The following RASGRF1 variants were observed in gnomAD, a reference collection of about 807,000 sequenced individuals.
RASGRF1 encodes ras-specific guanine nucleotide-releasing factor 1.
RASGRF1 carries 40 observed loss-of-function variants against 138.7 expected under a neutral mutation model. The observed-to-expected ratio is 0.29, with a 90% CI of 0.22 to 0.38. RASGRF1 has a LOEUF of 0.38. Among genes scored for constraint, RASGRF1 ranks in the 10% least tolerant of loss-of-function variants. The probability of loss-of-function intolerance (pLI) is 1.00; values close to 1 mark genes in which losing one functional copy is unlikely to be tolerated. For missense variants in RASGRF1, 1,108 were observed against 1,650.4 expected, an observed-to-expected ratio of 0.67 and a Z score of 5.69; for synonymous variants, 614 against 663.2, an observed-to-expected ratio of 0.93 and a Z score of 1.14.
rs57956576 is a variant in RASGRF1, at chr15:79,061,413, A to AATATATATATATATAT, written c.384-2948_384-2933dup. Among the ~76,000 whole-genome samples the AATATATATATATATAT allele has an allele frequency of 6.1e-3, 712 of 117,028 alleles. 19 individuals are homozygous for AATATATATATATATAT. Among genetic ancestry groups the AATATATATATATATAT allele is most frequent in the African/African-American group, 0.016 (472 of 28,734 alleles). The allele number at this position is 117,028 out of a possible 152,430, so 76.8% of individuals were successfully genotyped here. Reference sequence around the variant, plus strand: ...TAGAAAATTAGAACACTATCTTTAAAATATATATATATATATATCATTCAT... The same window carrying AATATATATATATATAT: ...TAGAAAATTAGAACACTATCTTTAAAATATATATATATATATATATATATATATATATATCATTCAT... On this transcript the variant is annotated intron_variant, in intron 2 of 26. Coordinates refer to ENST00000558480, the MANE Select transcript of RASGRF1 (RefSeq NM_001145648.3).
chr15:79,048,311 T>C (rs2057382590), intron 4 of RASGRF1, among the ~76,000 whole-genome samples: 1 of 152,140 alleles, frequency 6.6e-6, no homozygotes, highest in East Asian at 1.9e-4. Context: ...GCTGCTGTTA[T>C]GTGCAGGAGG....
chr15:79,035,226 C>T lies in RASGRF1; in HGVS notation c.879-16G>A. On this transcript the variant is annotated splice_polypyrimidine_tract_variant and intron_variant, in intron 5 of 26. Coordinates refer to ENST00000558480, the MANE Select transcript of RASGRF1 (RefSeq NM_001145648.3). The stretch of plus-strand genomic sequence containing the variant: ...GATGGTTTCGCTGAAAGAGAAAGCA[C>T]AGGGTCAGCTCTGCCCCAGGGACTT... 6.2e-7 allele frequency: 1 copy of T among 1,605,016 alleles called. No homozygotes were observed. Among genetic ancestry groups the T allele is most frequent in the South Asian group, 1.1e-5 (1 of 89,964 alleles).
At chr15:79,076,197 G>A (rs2057831203) in intron 1 of RASGRF1, among the ~76,000 whole-genome samples, 1 of 151,652 alleles carries the variant, frequency 6.6e-6, no homozygotes, top group East Asian at 1.9e-4. Flanking sequence ...ACAGCCCATA[G>A]TCTCAATCCA....
At chr15:79,061,157 C>G (rs1189406408) in intron 2 of RASGRF1, among the ~76,000 whole-genome samples, 3 of 151,944 alleles carry the variant, frequency 2.0e-5, no homozygotes, top group Non-Finnish European at 4.4e-5. Flanking sequence ...GACTTCAGTC[C>G]CATGGCTACA....
Position 79,049,538 on chromosome 15 carries a change from G to A in RASGRF1, c.582C>T (p.Val194=), listed in dbSNP as rs750486247. The A allele has an allele frequency of 3.1e-5, 50 of 1,613,938 alleles. No individual in the cohort carries two copies. The highest frequency in any genetic ancestry group is 2.9e-4 in the South Asian group (26 of 91,064). The change falls in exon 4 of 27, where the codon GTC becomes GTT. Residue 194 remains valine, a synonymous_variant. Coordinates refer to ENST00000558480, the MANE Select transcript of RASGRF1 (RefSeq NM_001145648.3). ...TGTCGCTGTCTTCATCGTTGGGGGC[G>A]ACAGTCTGGGTGGACTGGATGCGCT... ...DNERIQSTQT[V]APNDEDSDIK... is the part of the protein sequence containing the mutation.
At chr15:79,016,527 G>A (rs979045299) in intron 12 of RASGRF1, among the ~76,000 whole-genome samples, 4 of 152,306 alleles carry the variant, frequency 2.6e-5, no homozygotes, top group East Asian at 3.9e-4. Flanking sequence ...CATCCACAAC[G>A]GCTGCCAGGA....
At position 78,999,726 on chromosome 15, in the gene RASGRF1, G is replaced by C. The variant is rs780231860; in HGVS notation, c.2746+17C>G. On this transcript the variant is annotated intron_variant, in intron 17 of 26. Coordinates refer to ENST00000558480, the MANE Select transcript of RASGRF1 (RefSeq NM_001145648.3). The stretch of plus-strand genomic sequence containing the variant: ...GACCATGGGGAGGACCCTGTGAGTG[G>C]AGAACACCCCACATACCTGCACTGG... 1.2e-6 allele frequency: 2 copies of C among 1,610,294 alleles called. No individual in the cohort carries two copies. The highest frequency in any genetic ancestry group is 2.7e-5 in the African/African-American group (2 of 74,844).
At chr15:79,033,581 C>CTTTTTTTTTTTTTTTTTT (rs71148586) in intron 6 of RASGRF1, among the ~76,000 whole-genome samples, 5 of 93,980 alleles carry the variant, frequency 5.3e-5, no homozygotes, top group Admixed American at 3.0e-4. Flanking sequence ...TTTTTCTTTT[C>CTTTTTTTTTTTTTTTTTT]TTTTTTTTTT....
At position 79,006,447 on chromosome 15, in the gene RASGRF1, G is replaced by A. The variant is rs1257498913; in HGVS notation, c.1827-13C>T. On this transcript the variant is annotated splice_polypyrimidine_tract_variant and intron_variant, in intron 13 of 26. Transcript: ENST00000558480. This position sits in a 1 kb window ranked among gnomAD's most constrained non-coding sequence, Gnocchi z 4.0. ...GGAGGCGTCGGACCTGAGAGGGGAGGAAGGATGCAGAGGTGATGTGGGTCT... is the reference window on the plus strand; with the variant it reads ...GGAGGCGTCGGACCTGAGAGGGGAGAAAGGATGCAGAGGTGATGTGGGTCT... The A allele has an allele frequency of 4.4e-6, 7 of 1,605,724 alleles. No homozygotes were observed. Among genetic ancestry groups the A allele is most frequent in the Non-Finnish European group, 5.9e-6 (7 of 1,177,556 alleles).
At chr15:78,994,142 G>A (rs554002863) in intron 20 of RASGRF1, among the ~76,000 whole-genome samples, 6 of 152,322 alleles carry the variant, frequency 3.9e-5, no homozygotes, top group South Asian at 4.1e-4. Context: ...GAGTGCAGTC[G>A]GCTTCCTTTC....
At chr15:79,044,255 T>C (rs1768611184) in intron 5 of RASGRF1, among the ~76,000 whole-genome samples, 1 of 152,252 alleles carries the variant, frequency 6.6e-6, no homozygotes, top group South Asian at 2.1e-4. Context: ...CTCTCATCTT[T>C]GGGCCTTTGC....
chr15:79,089,419 G>C (rs1361918839), intron 1 of RASGRF1, among the ~76,000 whole-genome samples: 1 of 152,182 alleles, frequency 6.6e-6, no homozygotes, highest in East Asian at 1.9e-4. Context: ...CTCCCTGTTA[G>C]AGCCAGGCCT....
intron 5 of RASGRF1, among the ~76,000 whole-genome samples, chr15:79,035,672 G>A (rs962117342): frequency 6.6e-6 from 1 of 152,208 alleles, no homozygotes; most frequent in Non-Finnish European, 1.5e-5. Context: ...AGCACAGAGG[G>A]GGGCTGAAAT....
In RASGRF1 at chr15:79,090,346, G is replaced by A; in HGVS notation, c.153C>T (p.Leu51=). 6.2e-7 allele frequency: 1 copy of A among 1,613,972 alleles called. No individual in the cohort carries two copies. Among genetic ancestry groups the A allele is most frequent in the Non-Finnish European group, 8.5e-7 (1 of 1,179,992 alleles). ...AGCTCGAGTCGCTCTCGAAGTAGAA[G>A]AGCAGGTTCTGCAGCAGCGCGAACC... ...TKWFALLQNL[L]FYFESDSSSR... is the part of the protein sequence containing the mutation. Residue 51 remains leucine, a synonymous_variant, in exon 1 of 27, where the codon CTC becomes CTT. Coordinates refer to ENST00000558480, the MANE Select transcript of RASGRF1 (RefSeq NM_001145648.3).
chr15:79,046,668 G>C lies in RASGRF1; in HGVS notation c.878+78C>G. On this transcript the variant is annotated intron_variant, in intron 5 of 26. Transcript: ENST00000558480. The surrounding 1 kb of genome is among the most constrained non-coding windows in gnomAD (Gnocchi z 5.3). ...TCTGCACTCGGTGGGAACCACGTGA[G>C]AGAGTGTGTCAAAGCTTAGCTGCGG... is the stretch of plus-strand genomic sequence containing the variant. The C allele has an allele frequency of 6.3e-7, 1 of 1,581,054 alleles. No homozygotes were observed. The highest frequency in any genetic ancestry group is 8.6e-7 in the Non-Finnish European group (1 of 1,158,030).
intron 19 of RASGRF1, among the ~76,000 whole-genome samples, chr15:78,997,367 G>T (rs1230520467): frequency 6.6e-6 from 1 of 152,220 alleles, no homozygotes; most frequent in Admixed American, 6.5e-5. Context: ...CATGTCGGGG[G>T]TGAAGCTGAG....
Position 79,027,905 on chromosome 15 carries a change from T to C in RASGRF1, c.1263-46A>G. ...ACAGTCAGAGACAGGCTGCCCCTACTTCCCAGGGAGGCGAGAATGCCAGGC... is the reference window on the plus strand; with the variant it reads ...ACAGTCAGAGACAGGCTGCCCCTACCTCCCAGGGAGGCGAGAATGCCAGGC... On this transcript the variant is annotated intron_variant, in intron 8 of 26. Coordinates refer to ENST00000558480, the MANE Select transcript of RASGRF1 (RefSeq NM_001145648.3). The surrounding 1 kb of genome is among the most constrained non-coding windows in gnomAD (Gnocchi z 4.8). 6.3e-7 allele frequency: 1 copy of C among 1,593,624 alleles called. No homozygotes were observed. Among genetic ancestry groups the C allele is most frequent in the South Asian group, 1.1e-5 (1 of 90,598 alleles).
intron 22 of RASGRF1, among the ~76,000 whole-genome samples, chr15:78,987,105 G>C (rs2056175267): frequency 6.6e-6 from 1 of 152,122 alleles, no homozygotes; most frequent in Non-Finnish European, 1.5e-5. Flanking sequence ...TATAAGAAAG[G>C]AAAATTACAC....
chr15:79,039,315 A>G (rs995406521), intron 5 of RASGRF1, among the ~76,000 whole-genome samples: 10 of 150,678 alleles, frequency 6.6e-5, no homozygotes, highest in Admixed American at 6.6e-5. Flanking sequence ...AAAAAAAAAA[A>G]AAAAAAAGAA....
Sources: gnomAD v4.1 joint callset for allele counts (sites outside exome capture counted in the v4.1 genomes callset) on GRCh38, gnomAD v4.1.1 for gene constraint, Gnocchi (gnomAD v3.1) non-coding constraint, MANE v1.5 for transcripts, NCBI Gene and HGNC (gene_info 2026-07-23, HGNC 2026-07-21) for gene names.